The following ERGIC3 variants were observed in gnomAD, a reference collection of about 807,000 sequenced individuals.
ERGIC3 encodes endoplasmic reticulum-Golgi intermediate compartment protein 3.
Under a neutral mutation model 54.7 loss-of-function variants are expected in ERGIC3, and 33 were observed. The ratio of observed to expected loss-of-function variants is 0.60; its 90% CI spans 0.46 to 0.81. ERGIC3 has a LOEUF of 0.81. Among genes scored for constraint, ERGIC3 ranks in the 30% least tolerant of loss-of-function variants. ERGIC3 has a pLI of 0.00. For synonymous variants in ERGIC3, 186 were observed against 189.8 expected, an observed-to-expected ratio of 0.98 and a Z score of 0.16; for missense variants, 399 against 488.4, an observed-to-expected ratio of 0.82 and a Z score of 1.73.
At position 35,554,410 on chromosome 20, in the gene ERGIC3, G is replaced by A. The variant is rs1470672010; in HGVS notation, c.686-634G>A. On this transcript the variant is annotated intron_variant, in intron 7 of 12. Coordinates refer to ENST00000348547, the MANE Select transcript of ERGIC3 (RefSeq NM_015966.3). ...GAGTAAGTGGCCCTGCCCCCATGGA[G>A]GCCAAACCCCTACTTCTGGGGCAGC... 10 of 1,613,920 alleles carry A rather than the reference G, an allele frequency of 6.2e-6. No individual in the cohort carries two copies. The Admixed American group carries it at 1.2e-4, about 19-fold the overall frequency.
chr20:35,554,326 GA>G, intron 7 of ERGIC3: 1 of 1,613,616 alleles, frequency 6.2e-7, no homozygotes, highest in Non-Finnish European at 8.5e-7. Context: ...TTCTCATTGT[GA>G]AGCTCTGAAT....
At chr20:35,548,444 TC>T in intron 5 of ERGIC3, 64 bp from the exon 6 acceptor site, 1 of 1,561,410 alleles carries the variant, frequency 6.4e-7, no homozygotes. Flanking sequence ...GGGCTCTATT[TC>T]CCCAGATGCC....
At chr20:35,552,425 G>T (rs983148271) in intron 7 of ERGIC3, among the ~76,000 whole-genome samples, 3 of 152,210 alleles carry the variant, frequency 2.0e-5, no homozygotes, top group Non-Finnish European at 4.4e-5. Context: ...CAGCATGGTT[G>T]TCTGTGTGGG....
rs1568867950 is a variant in ERGIC3, at chr20:35,542,875, C to T, written c.301C>T (p.His101Tyr). The T allele has an allele frequency of 1.2e-6, 2 of 1,614,098 alleles. No homozygotes were observed. Among genetic ancestry groups the T allele is most frequent in the Non-Finnish European group, 8.5e-7 (1 of 1,180,020 alleles). ...VAGEQQLDVE[H>Y]NLFKQRLDKD... ...CGGAGAACAGCAGCTGGATGTGGAACACAACCTGTTCAAGCAACGACTAGA... is the reference window on the plus strand; with the variant it reads ...CGGAGAACAGCAGCTGGATGTGGAATACAACCTGTTCAAGCAACGACTAGA... Residue 101 changes from histidine to tyrosine, a missense_variant, in exon 4 of 13, where the codon CAC (histidine) becomes TAC (tyrosine). His to Tyr is a moderately conservative substitution (Grantham distance 83, BLOSUM62 2). Coordinates refer to ENST00000348547, the MANE Select transcript of ERGIC3 (RefSeq NM_015966.3).
chr20:35,548,671 T>C lies in ERGIC3; in HGVS notation c.624T>C (p.Asn208=), dbSNP rs182209758. The part of the protein sequence containing the change: ...GCQVYGFLEV[N]KVAGNFHFAP... ...AGGTGTATGGCTTCTTGGAAGTCAA[T>C]AAGGTATCAGGAGGGATCAAGACAA... Residue 208 remains asparagine, a synonymous_variant, in exon 6 of 13, where the codon AAT becomes AAC. Coordinates refer to ENST00000348547, the MANE Select transcript of ERGIC3 (RefSeq NM_015966.3). The C allele has an allele frequency of 6.2e-7, 1 of 1,614,072 alleles. No individual in the cohort carries two copies. The highest frequency in any genetic ancestry group is 1.7e-5 in the Admixed American group (1 of 60,002).
chr20:35,557,513 G>C lies in ERGIC3; in HGVS notation c.*9G>C, dbSNP rs764371800. 6.2e-7 allele frequency: 1 copy of C among 1,613,202 alleles called. No individual in the cohort carries two copies. The highest frequency in any genetic ancestry group is 1.7e-5 in the Admixed American group (1 of 60,020). ...TAGGGAAGACAACGTAGTCACCCTC[G>C]GTGCTTCCTCTGTCTCCTCTTTCTC... On this transcript the variant is annotated 3_prime_UTR_variant, in exon 13 of 13. Transcript: ENST00000348547.
chr20:35,547,533 T>G, intron 5 of ERGIC3, 28 bp downstream of exon 5: 3 of 1,603,102 alleles, frequency 1.9e-6, no homozygotes, highest in Non-Finnish European at 2.6e-6. Context: ...GGGAGCAGGG[T>G]TCCCATCAGG....
intron 8 of ERGIC3, 27 bp downstream of exon 8, chr20:35,555,102 G>T (rs1320851081): frequency 6.2e-7 from 1 of 1,612,072 alleles, no homozygotes; most frequent in Middle Eastern, 1.7e-4. Context: ...AACCATGGAG[G>T]GCAGGTGGGG....
chr20:35,547,586 G>T, intron 5 of ERGIC3, 81 bp downstream of exon 5: 2 of 1,321,018 alleles, frequency 1.5e-6, no homozygotes, highest in South Asian at 1.2e-5. Context: ...GACTGTGGCA[G>T]GTGGGGAGGT....
intron 4 of ERGIC3, 159 bp downstream of exon 4, chr20:35,543,100 G>C (rs2064626775): frequency 1.0e-6 from 1 of 1,003,884 alleles, no homozygotes. Context: ...GTAAGAGTCA[G>C]AGTGAGCTAA....
At chr20:35,554,426 C>T in intron 7 of ERGIC3, 4 of 1,612,786 alleles carry the variant, frequency 2.5e-6, no homozygotes, top group South Asian at 1.1e-5. Context: ...ACCCCTACTT[C>T]TGGGGCAGCC....
intron 5 of ERGIC3, among the ~76,000 whole-genome samples, chr20:35,548,176 G>A (rs976254565): frequency 6.6e-6 from 1 of 152,148 alleles, no homozygotes; most frequent in Non-Finnish European, 1.5e-5. Context: ...ATGGGAATAT[G>A]TATTTTTCAC....
intron 8 of ERGIC3, among the ~76,000 whole-genome samples, chr20:35,555,827 A>AAG (rs1555867780): frequency 6.6e-5 from 10 of 151,724 alleles, no homozygotes; most frequent in African/African-American, 1.7e-4. Flanking sequence ...AAAAAAAAAA[A>AAG]AAAGAAAAAT....
chr20:35,549,900 G>C (rs901171504), intron 7 of ERGIC3: 2 of 152,296 alleles, frequency 1.3e-5, no homozygotes, highest in African/African-American at 2.4e-5. Flanking sequence ...GCCTCCCAAA[G>C]TGCTAGGATT....
chr20:35,555,935 C>G (rs916114620), intron 8 of ERGIC3, 98 bp from the exon 9 acceptor site: 1 of 1,131,516 alleles, frequency 8.8e-7, no homozygotes, highest in African/African-American at 1.5e-5. Context: ...AGGACCATAG[C>G]CTCCCCTTCC....
At position 35,557,222 on chromosome 20, in the gene ERGIC3, T is replaced by C. The variant is rs921723179; in HGVS notation, c.1045T>C (p.Cys349Arg). ...RSFTHFLTGV[C>R]AIIGGMFTVA... ...CTTCACCCACTTCCTGACAGGTGTG[T>C]GCGCCATCATTGGGGGCATGTTCAC... Residue 349 changes from cysteine (C) to arginine (R), a missense_variant, in exon 12 of 13, where the codon TGC becomes CGC. Cys to Arg is a radical substitution (Grantham distance 180, BLOSUM62 -3). Transcript: ENST00000348547. 1.2e-6 allele frequency: 2 copies of C among 1,613,986 alleles called. No homozygotes were observed. Among genetic ancestry groups the C allele is most frequent in the Non-Finnish European group, 1.7e-6 (2 of 1,179,992 alleles).
rs1447482197 is a variant in ERGIC3, at chr20:35,548,573, C to T, written c.526C>T (p.Pro176Ser). 1 of 1,614,214 alleles carries T rather than the reference C, an allele frequency of 6.2e-7. No individual in the cohort carries two copies. Among genetic ancestry groups the T allele is most frequent in the South Asian group, 1.1e-5 (1 of 91,086 alleles). Residue 176 changes from proline (P) to serine (S), a missense_variant, in exon 6 of 13, where the codon CCA becomes TCA. Coordinates refer to ENST00000348547, the MANE Select transcript of ERGIC3 (RefSeq NM_015966.3). ...YRRRGWAFKN[P>S]DTIEQCRREG... ...CCGTAGAGGCTGGGCCTTCAAGAAC[C>T]CAGATACTATTGAGCAGTGCCGGCG...
In ERGIC3 at chr20:35,551,635, A is replaced by G. The variant is rs75733435; in HGVS notation, c.685+2770A>G. The stretch of plus-strand genomic sequence containing the variant: ...GCCAGGCCTCCCACATTAGAGGCCA[A>G]GGGTGTCAGGGGGAATTGGTAGGGG... On this transcript the variant is annotated intron_variant, in intron 7 of 12. Transcript: ENST00000348547. Among the ~76,000 whole-genome samples, 431 of 152,314 alleles carry G rather than the reference A, an allele frequency of 2.8e-3. 3 individuals carry two copies. Among genetic ancestry groups the G allele is most frequent in the African/African-American group, 0.01 (419 of 41,552 alleles).
chr20:35,554,066 C>T (rs2064698199), intron 7 of ERGIC3, among the ~76,000 whole-genome samples: 1 of 152,188 alleles, frequency 6.6e-6, no homozygotes, highest in Non-Finnish European at 1.5e-5. Flanking sequence ...ATCCTTAGGA[C>T]AGCCCTTTGC....
Sources: allele counts gnomAD v4.1 joint callset (sites outside exome capture counted in the v4.1 genomes callset), GRCh38; gene constraint gnomAD v4.1.1; transcripts MANE v1.5; gene names NCBI Gene and HGNC (gene_info 2026-07-23, HGNC 2026-07-21).